Variants in TSGA10IP observed in about 807,000 individuals in gnomAD.
The protein encoded by TSGA10IP is testis-specific protein 10-interacting protein.
A neutral mutation model predicts 63.2 loss-of-function variants in TSGA10IP; 64 were observed. The observed-to-expected ratio is 1.01, with a 90% CI of 0.83 to 1.25. The LOEUF (loss-of-function observed/expected upper bound fraction) is 1.25. Among genes scored for constraint, TSGA10IP ranks in the 50% most tolerant of loss-of-function variants. The pLI is 0.00. For synonymous variants in TSGA10IP, 316 were observed against 298.3 expected, an observed-to-expected ratio of 1.06 and a Z score of -0.61; for missense variants, 681 against 710.1, an observed-to-expected ratio of 0.96 and a Z score of 0.47.
At chr11:65,945,558 C>A in exon 1 of TSGA10IP, 1 of 1,154,358 alleles carries the variant, frequency 8.7e-7, no homozygotes, top group Non-Finnish European at 1.2e-6. Context: ...GCCTCACATA[C>A]CCCACTGACC....
intron 4 of TSGA10IP, among the ~76,000 whole-genome samples, chr11:65,948,986 C>T (rs1238795325): frequency 6.6e-6 from 1 of 151,292 alleles, no homozygotes; most frequent in South Asian, 2.1e-4. Flanking sequence ...AACGAACAAA[C>T]AAACGAACAA....
At position 65,947,023 on chromosome 11, in the gene TSGA10IP, A is replaced by G; in HGVS notation, c.284+7A>G. 1 of 1,613,966 alleles carries G rather than the reference A, an allele frequency of 6.2e-7. No homozygotes were observed. The highest frequency in any genetic ancestry group is 8.5e-7 in the Non-Finnish European group (1 of 1,179,878). On this transcript the variant is annotated splice_region_variant and intron_variant, in intron 2 of 7. Coordinates refer to ENST00000532620, the Ensembl canonical transcript of TSGA10IP. Reference sequence around the variant, plus strand: ...GCTCTGAAGAGTCTGAAGAGTAAGCAGCAGTGGGATGGGTCAGGAGGCTGT... The same window carrying G: ...GCTCTGAAGAGTCTGAAGAGTAAGCGGCAGTGGGATGGGTCAGGAGGCTGT...
At chr11:65,954,866 C>T (rs537947926) in intron 5 of TSGA10IP, among the ~76,000 whole-genome samples, 4 of 150,568 alleles carry the variant, frequency 2.7e-5, no homozygotes, top group South Asian at 4.2e-4. Flanking sequence ...GAGGGAGAGA[C>T]GGCAGCTTGT....
exon 4 of TSGA10IP, chr11:65,948,067 C>T: frequency 6.3e-7 from 1 of 1,585,750 alleles, no homozygotes; most frequent in Non-Finnish European, 8.6e-7. Context: ...AATGGAAAGG[C>T]CTATGCCTCG....
rs931691028 is a variant in TSGA10IP, at chr11:65,947,773, G to C, written c.948G>C (p.Gln316His). ...GGAAGACAAGGGCCAAGGAGCTGCAGGGGCCATGGGACCTGGAGAAGCTGC... is the reference window on the plus strand; with the variant it reads ...GGAAGACAAGGGCCAAGGAGCTGCACGGGCCATGGGACCTGGAGAAGCTGC... Residue 316 changes from glutamine to histidine, a missense_variant, in exon 3 of 8, where the codon CAG (glutamine) becomes CAC (histidine). Coordinates refer to ENST00000532620, the Ensembl canonical transcript of TSGA10IP. 6.3e-6 allele frequency: 10 copies of C among 1,584,878 alleles called. No individual in the cohort carries two copies. The highest frequency in any genetic ancestry group is 5.4e-5 in the African/African-American group (4 of 74,346).
At chr11:65,945,515 C>T in exon 1 of TSGA10IP, 1 of 747,058 alleles carries the variant, frequency 1.3e-6, no homozygotes, top group African/African-American at 1.8e-5. Context: ...GACTCCTGGG[C>T]ATCCTGCTGA....
At chr11:65,947,954 G>C in intron 3 of TSGA10IP, 47 bp from the exon 4 acceptor site, 1 of 1,534,434 alleles carries the variant, frequency 6.5e-7, no homozygotes, top group South Asian at 1.2e-5. Context: ...TTGCCTGGTG[G>C]GCTGAGAGGG....
intron 5 of TSGA10IP, 65 bp downstream of exon 5, chr11:65,953,802 T>C (rs1307706985): frequency 7.5e-7 from 1 of 1,336,902 alleles, no homozygotes; most frequent in African/African-American, 1.5e-5. Flanking sequence ...CAGGTCTCAG[T>C]CTACAGGACC....
At chr11:65,953,948 G>A (rs374362601) in intron 5 of TSGA10IP, among the ~76,000 whole-genome samples, 2 of 152,222 alleles carry the variant, frequency 1.3e-5, no homozygotes, top group Non-Finnish European at 2.9e-5. Flanking sequence ...TGCAGCTGTT[G>A]AATGGTCAAG....
At chr11:65,946,738 T>G in intron 1 of TSGA10IP, 142 bp from the exon 2 acceptor site, 15 of 879,582 alleles carry the variant, frequency 1.7e-5, no homozygotes, top group Non-Finnish European at 2.2e-5. Context: ...CCAGCCCTGT[T>G]TGGTTGGTTT....
intron 5 of TSGA10IP, among the ~76,000 whole-genome samples, chr11:65,956,946 G>A (rs762263385): frequency 4.6e-5 from 7 of 152,214 alleles, no homozygotes; most frequent in South Asian, 2.1e-4. Context: ...GAGGGCTAAG[G>A]CATAAGTAGG....
intron 4 of TSGA10IP, among the ~76,000 whole-genome samples, chr11:65,952,451 A>C (rs1039859305): frequency 6.7e-6 from 1 of 150,140 alleles, no homozygotes; most frequent in Non-Finnish European, 1.5e-5. Flanking sequence ...GTGTGTGTGT[A>C]TGTGTCTGTG....
chr11:65,953,814 A>G lies in TSGA10IP; in HGVS notation c.1322+77A>G, dbSNP rs946411567. On this transcript the variant is annotated intron_variant, in intron 5 of 7. Transcript: ENST00000532620. ...TGTCAGGTCTCAGTCTACAGGACCG[A>G]GGAGCACCAGCCCTCGCCTTCCCTG... The G allele has an allele frequency of 4.0e-6, 5 of 1,245,084 alleles. No homozygotes were observed. In the Admixed American group the frequency reaches 1.7e-4, roughly 43 times the overall value. The allele number at this position is 1,245,084 out of a possible 1,614,324, so 77.1% of individuals were successfully genotyped here.
At position 65,959,001 on chromosome 11, in the gene TSGA10IP, C is replaced by A. The variant is rs1407316766; in HGVS notation, c.1422+19C>A. ...TATGCAGGTGAGGCTGGCACCTGGG[C>A]AAGCACATAGCTGCCCCCTGTGAAG... On this transcript the variant is annotated intron_variant, in intron 6 of 7. Transcript: ENST00000532620. 1 of 1,611,118 alleles carries A rather than the reference C, an allele frequency of 6.2e-7. No individual in the cohort carries two copies. Among genetic ancestry groups the A allele is most frequent in the Admixed American group, 1.7e-5 (1 of 59,892 alleles).
At chr11:65,947,825 T>G (rs770223130) in exon 3 of TSGA10IP, 55 of 1,552,570 alleles carry the variant, frequency 3.5e-5, no homozygotes, top group Middle Eastern at 3.4e-4. Context: ...AGACCTGGAC[T>G]GTGGTGAGCG....
At chr11:65,957,709 T>C (rs1203644020) in intron 5 of TSGA10IP, among the ~76,000 whole-genome samples, 1 of 152,204 alleles carries the variant, frequency 6.6e-6, no homozygotes. Context: ...GAGGTCCCAG[T>C]ACAGGTCTTG....
At chr11:65,945,621 G>A in exon 1 of TSGA10IP, 1 of 1,588,086 alleles carries the variant, frequency 6.3e-7, no homozygotes, top group Non-Finnish European at 8.6e-7. Flanking sequence ...AGGACTGGTT[G>A]CCATAGAGAT....
chr11:65,954,726 G>A lies in TSGA10IP; in HGVS notation c.1322+989G>A, dbSNP rs1311992847. Among the ~76,000 whole-genome samples, 3 of 151,678 alleles carry A rather than the reference G, an allele frequency of 2.0e-5. No homozygotes were observed. The South Asian group carries it at 6.2e-4, about 32-fold the overall frequency. On this transcript the variant is annotated intron_variant, in intron 5 of 7. Transcript: ENST00000532620. Reference sequence around the variant, plus strand: ...CTAGCTATTCGGGAGGCTGAGGCAGGAGAATTGCTTGAACCCGGGAGATGG... The same window carrying A: ...CTAGCTATTCGGGAGGCTGAGGCAGAAGAATTGCTTGAACCCGGGAGATGG...
chr11:65,946,010 C>G (rs1024608091), intron 1 of TSGA10IP, 188 bp downstream of exon 1: 2 of 639,626 alleles, frequency 3.1e-6, no homozygotes, highest in African/African-American at 3.7e-5. Context: ...GGGATGACGC[C>G]CAGGAGTGAC....
Sources: gnomAD v4.1 joint callset for allele counts (sites outside exome capture counted in the v4.1 genomes callset) on GRCh38, gnomAD v4.1.1 for gene constraint, MANE v1.5 for transcripts, NCBI Gene and HGNC (gene_info 2026-07-23, HGNC 2026-07-21) for gene names.